The following MSR1 variants were observed in gnomAD, a reference collection of about 807,000 sequenced individuals.
MSR1 encodes macrophage scavenger receptor 1.
A neutral mutation model predicts 47.2 loss-of-function variants in MSR1; 53 were observed. That is an observed-to-expected ratio of 1.12 (90% CI 0.90 to 1.41). The LOEUF (loss-of-function observed/expected upper bound fraction) is 1.41. Among genes scored for constraint, MSR1 ranks in the 40% most tolerant of loss-of-function variants. MSR1 has a pLI of 0.00. For synonymous variants in MSR1, 239 were observed against 185.6 expected (o/e 1.29, Z -2.34); for missense variants, 786 against 546.9 (o/e 1.44, Z -4.36).
At chr8:16,152,010 C>T (rs888022458) in intron 6 of MSR1, among the ~76,000 whole-genome samples, 1 of 152,130 alleles carries the variant, frequency 6.6e-6, no homozygotes, top group Non-Finnish European at 1.5e-5. Flanking sequence ...AGAGCTCATA[C>T]ACGTAAAACA....
chr8:16,112,308 A>G (rs1799775159), intron 9 of MSR1, among the ~76,000 whole-genome samples: 1 of 152,134 alleles, frequency 6.6e-6, no homozygotes, highest in Admixed American at 6.5e-5. Flanking sequence ...CTTGTTAAAT[A>G]ATGATAATTA....
chr8:16,170,669 A>G (rs1403024113), intron 3 of MSR1, among the ~76,000 whole-genome samples: 1 of 152,176 alleles, frequency 6.6e-6, no homozygotes, highest in African/African-American at 2.4e-5. Flanking sequence ...TTTGAGAATT[A>G]AACAACACAT....
At chr8:16,141,193 A>G (rs991217640) in intron 8 of MSR1, 1 of 820,748 alleles carries the variant, frequency 1.2e-6, no homozygotes, top group Admixed American at 2.6e-5. Flanking sequence ...GCACTTTCAT[A>G]CAGAATAAAT....
chr8:16,115,909 G>A (rs1472368014), intron 9 of MSR1, among the ~76,000 whole-genome samples: 1 of 152,140 alleles, frequency 6.6e-6, no homozygotes, highest in African/African-American at 2.4e-5. Context: ...GATCGCTTGA[G>A]AGCAGGAGTT....
chr8:16,129,778 A>AG (rs5889630), intron 8 of MSR1, among the ~76,000 whole-genome samples: 109,787 of 151,896 alleles, frequency 0.72, 43,564 homozygotes, highest in Non-Finnish European at 0.89. Flanking sequence ...TTACATCTTA[A>AG]GGGCAGGACA....
At chr8:16,153,901 C>G (rs1236150300) in intron 6 of MSR1, among the ~76,000 whole-genome samples, 5 of 151,894 alleles carry the variant, frequency 3.3e-5, no homozygotes, top group African/African-American at 1.2e-4. Flanking sequence ...GAAAGACTTT[C>G]CTGAATAAAA....
At position 16,111,979 on chromosome 8, in the gene MSR1, A is replaced by C. The variant is rs372410278; in HGVS notation, c.1223-1761T>G. Among the ~76,000 whole-genome samples, 14 of 152,232 alleles carry C rather than the reference A, an allele frequency of 9.2e-5. 1 individual carries two copies. Among genetic ancestry groups the C allele is most frequent in the African/African-American group, 3.4e-4 (14 of 41,550 alleles). On this transcript the variant is annotated intron_variant, in intron 9 of 9. Transcript: ENST00000262101. Reference sequence around the variant, plus strand: ...TTAGCAAATCTCCTTTGGTGCCTACACGAGTGAACAAGACCAAACTCCATA... The same window carrying C: ...TTAGCAAATCTCCTTTGGTGCCTACCCGAGTGAACAAGACCAAACTCCATA...
intron 1 of MSR1, among the ~76,000 whole-genome samples, chr8:16,189,817 G>T (rs1489249537): frequency 1.5e-5 from 2 of 137,600 alleles, no homozygotes; most frequent in Non-Finnish European, 3.1e-5. Context: ...AAAAAATACA[G>T]CCATTTTTCT....
intron 8 of MSR1, among the ~76,000 whole-genome samples, chr8:16,130,439 T>C (rs534849833): frequency 5.3e-4 from 80 of 152,274 alleles, no homozygotes; most frequent in African/African-American, 1.7e-3. Context: ...CTGTATTTTA[T>C]CTTTAAGTAT....
intron 9 of MSR1, among the ~76,000 whole-genome samples, chr8:16,118,698 A>G (rs1486537315): frequency 6.6e-6 from 1 of 152,076 alleles, no homozygotes; most frequent in African/African-American, 2.4e-5. Flanking sequence ...AAACAAAAAC[A>G]AAAACAAAAC....
At chr8:16,186,454 A>G (rs73665254) in intron 1 of MSR1, among the ~76,000 whole-genome samples, 1,860 of 152,224 alleles carry the variant, frequency 0.012, 29 homozygotes, top group African/African-American at 0.042. Flanking sequence ...ACCCCTGCTT[A>G]GAATTCTAAT....
chr8:16,180,787 T>C (rs1801806053), intron 1 of MSR1, among the ~76,000 whole-genome samples: 2 of 152,300 alleles, frequency 1.3e-5, no homozygotes, highest in Middle Eastern at 3.4e-3. Context: ...GAAGATTCTT[T>C]ATTTGGAAGT....
Position 16,164,093 on chromosome 8 carries a change from C to G in MSR1, c.789G>C (p.Gln263His), listed in dbSNP as rs753519339. ...GAATTAAAGTGATATTTCTCAAGGT[C>G]TGAGAATGTTCCCAATCTTTCAGTC... The part of the protein sequence containing the change: ...DLRLKDWEHS[Q>H]TLRNITLIQG... Residue 263 changes from glutamine (Q) to histidine (H), a missense_variant, in exon 5 of 10, where the codon CAG becomes CAC. Transcript: ENST00000262101. 5.6e-6 allele frequency: 9 copies of G among 1,610,400 alleles called. No homozygotes were observed. The highest frequency in any genetic ancestry group is 5.5e-5 in the South Asian group (5 of 90,736).
At chr8:16,188,933 CA>C (rs1802079713) in intron 1 of MSR1, among the ~76,000 whole-genome samples, 2 of 144,094 alleles carry the variant, frequency 1.4e-5, no homozygotes, top group East Asian at 4.0e-4. Context: ...GGGTTGGTTC[CA>C]AGTGTTTGCT....
At chr8:16,186,628 G>A (rs969745484) in intron 1 of MSR1, among the ~76,000 whole-genome samples, 31 of 145,966 alleles carry the variant, frequency 2.1e-4, no homozygotes, top group African/African-American at 1.8e-4. Context: ...CCCTTTCACC[G>A]TGACATTTCT....
At chr8:16,187,721 G>A (rs1802044363) in intron 1 of MSR1, among the ~76,000 whole-genome samples, 1 of 152,042 alleles carries the variant, frequency 6.6e-6, no homozygotes, top group Non-Finnish European at 1.5e-5. Flanking sequence ...TATGCCTCAA[G>A]AAAACTTTGT....
At chr8:16,112,348 C>T (rs1420513154) in intron 9 of MSR1, among the ~76,000 whole-genome samples, 2 of 152,038 alleles carry the variant, frequency 1.3e-5, no homozygotes, top group Non-Finnish European at 2.9e-5. Context: ...TAAACTGAGA[C>T]TGAGAAAGGG....
chr8:16,123,842 A>T (rs1232645895), intron 8 of MSR1, among the ~76,000 whole-genome samples: 3 of 152,180 alleles, frequency 2.0e-5, no homozygotes, highest in Non-Finnish European at 4.4e-5. Context: ...TATCTGCAAT[A>T]GCTGACCCAA....
intron 3 of MSR1, among the ~76,000 whole-genome samples, chr8:16,174,891 G>T (rs924764116): frequency 1.3e-5 from 2 of 152,102 alleles, no homozygotes; most frequent in African/African-American, 4.8e-5. Context: ...GAGGACTCTA[G>T]AGGATAATAT....
Sources: gnomAD v4.1 joint callset for allele counts (sites outside exome capture counted in the v4.1 genomes callset) on GRCh38, gnomAD v4.1.1 for gene constraint, MANE v1.5 for transcripts, NCBI Gene and HGNC (gene_info 2026-07-23, HGNC 2026-07-21) for gene names.